Variants in ACSS2 observed in about 807,000 individuals in gnomAD.
The protein encoded by ACSS2 is acyl-CoA synthetase short chain family member 2.
Under a neutral mutation model 90.6 loss-of-function variants are expected in ACSS2, and 58 were observed. That is an observed-to-expected ratio of 0.64 (90% CI 0.52 to 0.80). The LOEUF (loss-of-function observed/expected upper bound fraction) is 0.80. Ranked by LOEUF, ACSS2 falls within the 30% of genes least tolerant of loss-of-function variation. ACSS2 has a pLI of 0.00. For missense variants in ACSS2, 759 were observed against 912.0 expected, an observed-to-expected ratio of 0.83 and a Z score of 2.16; for synonymous variants, 300 against 330.9, an observed-to-expected ratio of 0.91 and a Z score of 1.01.
intron 1 of ACSS2, among the ~76,000 whole-genome samples, chr20:34,881,183 C>T (rs2080064585): frequency 6.6e-6 from 1 of 151,216 alleles, no homozygotes; most frequent in Non-Finnish European, 1.5e-5. Context: ...CCCGCTACCA[C>T]ACCTGGCAAT....
intron 2 of ACSS2, among the ~76,000 whole-genome samples, chr20:34,900,178 T>TC (rs1030727023): frequency 1.4e-5 from 2 of 145,876 alleles, no homozygotes; most frequent in African/African-American, 2.5e-5. Context: ...TTTTTTTTTT[T>TC]TTTTTTTTTT....
At chr20:34,890,019 T>C (rs2080294166) in intron 2 of ACSS2, among the ~76,000 whole-genome samples, 1 of 152,198 alleles carries the variant, frequency 6.6e-6, no homozygotes, top group Non-Finnish European at 1.5e-5. Context: ...ACTAGGATGC[T>C]GCTGGTGGGA....
At chr20:34,923,509 G>A (rs987300049) in intron 14 of ACSS2, 78 bp downstream of exon 14, 1 of 1,049,010 alleles carries the variant, frequency 9.5e-7, no homozygotes, top group Non-Finnish European at 1.5e-6. Flanking sequence ...AAGAGTTGGT[G>A]TGTTGCTATA....
At chr20:34,893,366 G>A (rs951260627) in intron 2 of ACSS2, among the ~76,000 whole-genome samples, 4 of 151,292 alleles carry the variant, frequency 2.6e-5, no homozygotes, top group African/African-American at 7.3e-5. Flanking sequence ...CACAATCAGC[G>A]AATTTTATTT....
chr20:34,921,234 T>C, intron 10 of ACSS2, 95 bp downstream of exon 10: 3 of 1,606,958 alleles, frequency 1.9e-6, no homozygotes, highest in Non-Finnish European at 1.7e-6. Flanking sequence ...CCCAACTCTC[T>C]GACCTGGAAT....
At chr20:34,911,074 C>T (rs1442254812) in intron 2 of ACSS2, among the ~76,000 whole-genome samples, 3 of 152,124 alleles carry the variant, frequency 2.0e-5, no homozygotes, top group Admixed American at 6.5e-5. Context: ...AGGTGATCCT[C>T]CTGCCTTGGC....
intron 2 of ACSS2, among the ~76,000 whole-genome samples, chr20:34,897,631 C>G (rs1309286973): frequency 1.3e-5 from 2 of 152,010 alleles, no homozygotes. Context: ...CAGTTTGAGA[C>G]CAGCCTGGCC....
intron 13 of ACSS2, chr20:34,922,112 T>C (rs2081217103): frequency 1.1e-6 from 1 of 880,254 alleles, no homozygotes; most frequent in Admixed American, 4.0e-5. Context: ...TGGTACCTTT[T>C]TGGGTCTGGA....
intron 2 of ACSS2, among the ~76,000 whole-genome samples, chr20:34,906,983 C>CAAAAAA (rs1228479859): frequency 4.8e-5 from 2 of 41,554 alleles, no homozygotes; most frequent in Non-Finnish European, 1.1e-4. Flanking sequence ...GACTCCATCT[C>CAAAAAA]AAAAAAAAAA....
chr20:34,892,191 C>A (rs575175466), intron 2 of ACSS2, among the ~76,000 whole-genome samples: 1 of 152,140 alleles, frequency 6.6e-6, no homozygotes, highest in South Asian at 2.1e-4. Flanking sequence ...GAGGAACTGG[C>A]CTCCTCTCCT....
intron 2 of ACSS2, among the ~76,000 whole-genome samples, chr20:34,894,031 A>G (rs1265583735): frequency 2.0e-5 from 3 of 152,162 alleles, no homozygotes; most frequent in African/African-American, 7.2e-5. Flanking sequence ...TTTTGACCAG[A>G]GACTAATTTT....
At position 34,913,194 on chromosome 20, in the gene ACSS2, G is replaced by A; in HGVS notation, c.466+7G>A. 2 of 1,613,952 alleles carry A rather than the reference G, an allele frequency of 1.2e-6. No individual in the cohort carries two copies. Among genetic ancestry groups the A allele is most frequent in the Non-Finnish European group, 1.7e-6 (2 of 1,179,852 alleles). On this transcript the variant is annotated splice_region_variant and intron_variant, in intron 3 of 17. Coordinates refer to ENST00000360596, the MANE Select transcript of ACSS2 (RefSeq NM_018677.4). ...AATGTTCTCCGAAAACAGGGTGAGTGTGGGGGTGTGGGAAAGGACTGGGGG... is the reference window on the plus strand; with the variant it reads ...AATGTTCTCCGAAAACAGGGTGAGTATGGGGGTGTGGGAAAGGACTGGGGG...
At chr20:34,887,069 T>C (rs1454863155) in intron 2 of ACSS2, among the ~76,000 whole-genome samples, 4 of 152,240 alleles carry the variant, frequency 2.6e-5, no homozygotes, top group Non-Finnish European at 5.9e-5. Flanking sequence ...GCTTGACACA[T>C]TGCAAATGTT....
chr20:34,923,307 C>A lies in ACSS2; in HGVS notation c.1549-16C>A. ...AGCATAGCAAATGTGATCACTGTCC[C>A]TTCCTCACTCCCCAGGTGTTCAAGC... On this transcript the variant is annotated splice_polypyrimidine_tract_variant and intron_variant, in intron 13 of 17. Transcript: ENST00000360596. 2 of 1,585,638 alleles carry A rather than the reference C, an allele frequency of 1.3e-6. No homozygotes were observed. Among genetic ancestry groups the A allele is most frequent in the Non-Finnish European group, 1.7e-6 (2 of 1,154,152 alleles).
At chr20:34,907,273 A>G (rs2080831124) in intron 2 of ACSS2, among the ~76,000 whole-genome samples, 1 of 151,946 alleles carries the variant, frequency 6.6e-6, no homozygotes, top group South Asian at 2.1e-4. Context: ...ATGCGCCACC[A>G]TGCCCGGCTA....
intron 2 of ACSS2, among the ~76,000 whole-genome samples, chr20:34,892,740 C>T (rs144155466): frequency 1.3e-5 from 2 of 152,280 alleles, no homozygotes; most frequent in African/African-American, 4.8e-5. Flanking sequence ...CAGGTAACAG[C>T]GGTGCTGATC....
rs539359749 is a variant in ACSS2, at chr20:34,886,893, C to T, written c.374+3904C>T. 1.6e-3 allele frequency among the ~76,000 whole-genome samples: 246 copies of T among 152,290 alleles called. 2 individuals carry two copies. Among genetic ancestry groups the T allele is most frequent in the Admixed American group, 5.6e-3 (86 of 15,296 alleles). On this transcript the variant is annotated intron_variant, in intron 2 of 17. Coordinates refer to ENST00000360596, the MANE Select transcript of ACSS2 (RefSeq NM_018677.4). Reference sequence around the variant, plus strand: ...TCTTCTTAACTTTATGTCATTTAGACAGCTATGGTGGCATTAACAAGCCAC... The same window carrying T: ...TCTTCTTAACTTTATGTCATTTAGATAGCTATGGTGGCATTAACAAGCCAC...
At chr20:34,911,124 C>G (rs879541118) in intron 2 of ACSS2, among the ~76,000 whole-genome samples, 1 of 151,358 alleles carries the variant, frequency 6.6e-6, no homozygotes, top group African/African-American at 2.4e-5. Context: ...GCCAAGAGAT[C>G]TTCCCATCTC....
chr20:34,876,580 C>T (rs1242824149), upstream of ACSS2: 6 of 1,283,440 alleles, frequency 4.7e-6, no homozygotes, highest in Admixed American at 1.3e-4. Context: ...CTAGTTCGGC[C>T]TGTTTTCTCA....
Sources: allele counts gnomAD v4.1 joint callset (sites outside exome capture counted in the v4.1 genomes callset), GRCh38; gene constraint gnomAD v4.1.1; transcripts MANE v1.5; gene names NCBI Gene and HGNC (gene_info 2026-07-23, HGNC 2026-07-21).